RALGAPA1: variants seen among roughly 807,000 people sequenced by gnomAD.
RALGAPA1 encodes ral GTPase-activating protein subunit alpha-1.
In RALGAPA1, 52 loss-of-function variants were observed where a neutral mutation model predicts 269.6. The observed-to-expected ratio is 0.19, with a 90% CI of 0.15 to 0.24. The LOEUF (loss-of-function observed/expected upper bound fraction) is 0.24. RALGAPA1 is among the 10% of genes least tolerant of loss of function. RALGAPA1 has a pLI of 1.00. For missense variants in RALGAPA1, 1,917 were observed against 3,013.9 expected (o/e 0.64, Z 8.52); for synonymous variants, 817 against 1,008.3 (o/e 0.81, Z 3.60).
intron 30 of RALGAPA1, among the ~76,000 whole-genome samples, chr14:35,653,519 G>C (rs2062981806): frequency 6.6e-6 from 1 of 152,188 alleles, no homozygotes; most frequent in Admixed American, 6.5e-5. Flanking sequence ...TCAGTTGCCT[G>C]AACAACATGG....
chr14:35,723,009 T>A lies in RALGAPA1; in HGVS notation c.2104+18A>T, dbSNP rs372075886. The stretch of plus-strand genomic sequence containing the variant: ...TTTAAACAAATTTATATAGAGCATC[T>A]CTATGAACAATTCTTACCTTTCCCT... On this transcript the variant is annotated intron_variant, in intron 15 of 41. Coordinates refer to ENST00000680220, the MANE Select transcript of RALGAPA1 (RefSeq NM_001346249.2). The A allele has an allele frequency of 2.7e-5, 41 of 1,516,362 alleles. No individual in the cohort carries two copies. Among genetic ancestry groups the A allele is most frequent in the Non-Finnish European group, 3.5e-5 (38 of 1,095,012 alleles). The allele number at this position is 1,516,362 out of a possible 1,614,324, so 93.9% of individuals were successfully genotyped here. A position where few individuals can be genotyped will look rare whatever the true frequency, so the allele number is the denominator to read the frequency against.
intron 11 of RALGAPA1, among the ~76,000 whole-genome samples, chr14:35,739,941 A>C (rs567303614): frequency 6.6e-6 from 1 of 152,310 alleles, no homozygotes; most frequent in East Asian, 1.9e-4. Flanking sequence ...CATACAAGTT[A>C]CTGAACAGAA....
At chr14:35,646,382 A>C (rs1341130776) in intron 31 of RALGAPA1, among the ~76,000 whole-genome samples, 1 of 152,230 alleles carries the variant, frequency 6.6e-6, no homozygotes, top group Non-Finnish European at 1.5e-5. Context: ...ATCAGTAATG[A>C]AACAAACTGA....
At chr14:35,747,756 A>C (rs1567146110) in intron 10 of RALGAPA1, among the ~76,000 whole-genome samples, 1 of 152,178 alleles carries the variant, frequency 6.6e-6, no homozygotes, top group Non-Finnish European at 1.5e-5. Context: ...TTACCTGTAA[A>C]AGTTAAGTGC....
chr14:35,568,945 A>T (rs1189535274), intron 39 of RALGAPA1, among the ~76,000 whole-genome samples: 2 of 152,236 alleles, frequency 1.3e-5, no homozygotes, highest in Non-Finnish European at 2.9e-5. Context: ...TAACAATTCA[A>T]GGCTCATTTT....
At chr14:35,803,518 ACTT>A (rs963602269) in intron 1 of RALGAPA1, among the ~76,000 whole-genome samples, 7 of 152,184 alleles carry the variant, frequency 4.6e-5, no homozygotes, top group African/African-American at 7.2e-5. Flanking sequence ...CAAAGAAACA[ACTT>A]CTTCTTCAAA....
intron 16 of RALGAPA1, among the ~76,000 whole-genome samples, chr14:35,720,041 C>T (rs1485693254): frequency 3.3e-5 from 5 of 152,282 alleles, no homozygotes; most frequent in Non-Finnish European, 7.4e-5. Context: ...CGTAAGCCAC[C>T]GCGCCCGGCC....
rs557984074 is a variant in RALGAPA1, at chr14:35,561,173, G to C, written c.7496+9444C>G. On this transcript the variant is annotated intron_variant, in intron 39 of 41. Coordinates refer to ENST00000680220, the MANE Select transcript of RALGAPA1 (RefSeq NM_001346249.2). ...AACTGGAAAGTGGAGGTTGCAGTGA[G>C]CCGAGATGGCGCCACTGCACTCCAG... is the stretch of plus-strand genomic sequence containing the variant. 2.7e-4 allele frequency among the ~76,000 whole-genome samples: 36 copies of C among 135,348 alleles called. No individual in the cohort carries two copies. In the South Asian group the frequency reaches 8.3e-3, roughly 31 times the overall value. The allele number at this position is 135,348 out of a possible 152,430, so 88.8% of individuals were successfully genotyped here.
intron 35 of RALGAPA1, among the ~76,000 whole-genome samples, chr14:35,608,673 A>G (rs920081593): frequency 7.2e-5 from 11 of 152,328 alleles, no homozygotes; most frequent in African/African-American, 2.2e-4. Flanking sequence ...GCACCCAAAA[A>G]CAGAGCCCCA....
chr14:35,549,317 T>G, intron 39 of RALGAPA1, 83 bp from the exon 40 acceptor site: 1 of 1,387,158 alleles, frequency 7.2e-7, no homozygotes, highest in Non-Finnish European at 9.9e-7. Context: ...CTATGATTGC[T>G]AAGCCATTAC....
intron 21 of RALGAPA1, among the ~76,000 whole-genome samples, chr14:35,680,384 T>C (rs1014420685): frequency 1.3e-5 from 2 of 151,478 alleles, no homozygotes; most frequent in Admixed American, 6.6e-5. Context: ...ATTTTTTGTA[T>C]CTTTAGTAGA....
At chr14:35,692,468 A>C (rs1014201255) in intron 17 of RALGAPA1, among the ~76,000 whole-genome samples, 4 of 151,596 alleles carry the variant, frequency 2.6e-5, no homozygotes, top group African/African-American at 9.7e-5. Flanking sequence ...GTATATTAGA[A>C]AACGTAACCA....
chr14:35,563,295 T>C (rs760899904), intron 39 of RALGAPA1, among the ~76,000 whole-genome samples: 61 of 152,158 alleles, frequency 4.0e-4, no homozygotes, highest in Non-Finnish European at 7.2e-4. Context: ...AAACAAAGGA[T>C]ATTTGGGTCA....
intron 35 of RALGAPA1, among the ~76,000 whole-genome samples, chr14:35,607,151 C>A (rs1004117181): frequency 6.6e-6 from 1 of 152,188 alleles, no homozygotes; most frequent in African/African-American, 2.4e-5. Flanking sequence ...ATAGAGCAAA[C>A]AGGGAAATAT....
chr14:35,666,055 G>A (rs180941639), intron 26 of RALGAPA1, among the ~76,000 whole-genome samples: 1 of 150,036 alleles, frequency 6.7e-6, no homozygotes, highest in Non-Finnish European at 1.5e-5. Context: ...TCACTCTGTC[G>A]TGCAGGCTGG....
rs990904658 is a variant in RALGAPA1, at chr14:35,539,838, A to G, written c.*24-148T>C. ...GCAAGCCCCAAACTTGCTTGTTACA[A>G]TAGCCTACTAATGTATTTAAAACCC... On this transcript the variant is annotated intron_variant, in intron 41 of 41. Coordinates refer to ENST00000680220, the MANE Select transcript of RALGAPA1 (RefSeq NM_001346249.2). 1.1e-5 allele frequency: 13 copies of G among 1,142,848 alleles called. No homozygotes were observed. The East Asian group carries it at 2.3e-4, about 20-fold the overall frequency. The allele number at this position is 1,142,848 out of a possible 1,614,324, so 70.8% of individuals were successfully genotyped here. A position where few individuals can be genotyped will look rare whatever the true frequency, so the allele number is the denominator to read the frequency against.
intron 16 of RALGAPA1, among the ~76,000 whole-genome samples, chr14:35,704,499 C>A (rs2067632882): frequency 6.6e-6 from 1 of 152,058 alleles, no homozygotes; most frequent in Non-Finnish European, 1.5e-5. Context: ...TGAATAAATT[C>A]TCTTAGACTT....
At chr14:35,782,543 C>T (rs551959124) in intron 1 of RALGAPA1, among the ~76,000 whole-genome samples, 9 of 152,196 alleles carry the variant, frequency 5.9e-5, no homozygotes, top group Admixed American at 3.9e-4. Flanking sequence ...AAGAGATTCT[C>T]CTGCCTCAGC....
chr14:35,770,554 C>G (rs917131412), intron 4 of RALGAPA1, among the ~76,000 whole-genome samples: 1 of 151,852 alleles, frequency 6.6e-6, no homozygotes, highest in Non-Finnish European at 1.5e-5. Flanking sequence ...AACTAGCAAA[C>G]AATAAGTAAA....
Sources: allele counts gnomAD v4.1 joint callset (sites outside exome capture counted in the v4.1 genomes callset), GRCh38; gene constraint gnomAD v4.1.1; transcripts MANE v1.5; gene names NCBI Gene and HGNC (gene_info 2026-07-23, HGNC 2026-07-21).